Variants in SYNE1 observed in about 807,000 individuals in gnomAD.
SYNE1 encodes the protein nesprin-1.
In SYNE1, 616 loss-of-function variants were observed where a neutral mutation model predicts 1,111.0. That is an observed-to-expected ratio of 0.55 (90% CI 0.52 to 0.59). The LOEUF is 0.59. Ranked by LOEUF, SYNE1 falls within the 20% of genes least tolerant of loss-of-function variation. SYNE1 has a pLI of 0.00. For missense variants in SYNE1, 10,006 were observed against 10,417.0 expected (o/e 0.96, Z 1.72); for synonymous variants, 3,855 against 3,825.8 (o/e 1.01, Z -0.28).
chr6:152,560,155 C>T (rs1309547575), intron 3 of SYNE1, among the ~76,000 whole-genome samples: 1 of 152,036 alleles, frequency 6.6e-6, no homozygotes, highest in Non-Finnish European at 1.5e-5. Flanking sequence ...GAGTTCAAGA[C>T]CAGCCTGAAC....
intron 8 of SYNE1, among the ~76,000 whole-genome samples, chr6:152,505,951 T>C (rs1444370405): frequency 6.6e-6 from 1 of 152,220 alleles, no homozygotes; most frequent in Non-Finnish European, 1.5e-5. Context: ...AATGCAAATA[T>C]TGCAATTATA....
intron 39 of SYNE1, among the ~76,000 whole-genome samples, chr6:152,420,425 GC>G (rs1157733876): frequency 6.6e-6 from 1 of 152,136 alleles, no homozygotes; most frequent in Non-Finnish European, 1.5e-5. Context: ...TTTGAGACCA[GC>G]CTGGCCAACA....
chr6:152,596,717 T>A (rs949681859), intron 3 of SYNE1, among the ~76,000 whole-genome samples: 7 of 152,284 alleles, frequency 4.6e-5, no homozygotes, highest in Admixed American at 2.0e-4. Flanking sequence ...TGTAAAGGAT[T>A]TATATCTTGT....
At chr6:152,364,733 G>GA in intron 63 of SYNE1, 114 bp downstream of exon 63, 3 of 1,252,632 alleles carry the variant, frequency 2.4e-6, no homozygotes, top group African/African-American at 1.5e-5. Context: ...AGGAAGGGAG[G>GA]AAGGAAAGGA....
At chr6:152,396,724 TA>T in intron 50 of SYNE1, 50 bp downstream of exon 50, 1 of 1,546,708 alleles carries the variant, frequency 6.5e-7, no homozygotes, top group Non-Finnish European at 8.9e-7. Flanking sequence ...TCTAAGCCTT[TA>T]AAAACACACT....
At chr6:152,131,879 A>G (rs779555174) in intron 144 of SYNE1, among the ~76,000 whole-genome samples, 2 of 152,192 alleles carry the variant, frequency 1.3e-5, no homozygotes, top group Non-Finnish European at 2.9e-5. Flanking sequence ...AGAAAAATAA[A>G]TGTTCTCCCT....
At chr6:152,552,658 G>A (rs190979534) in intron 3 of SYNE1, among the ~76,000 whole-genome samples, 1 of 152,160 alleles carries the variant, frequency 6.6e-6, no homozygotes, top group Admixed American at 6.5e-5. Context: ...GAGAAATAAG[G>A]TCAAATCACA....
chr6:152,555,008 G>A (rs1376733436), intron 3 of SYNE1, among the ~76,000 whole-genome samples: 1 of 152,112 alleles, frequency 6.6e-6, no homozygotes, highest in African/African-American at 2.4e-5. Context: ...AAGGTAATGA[G>A]GTTTAAGACA....
chr6:152,433,706 C>A (rs1270626465), intron 34 of SYNE1, 89 bp downstream of exon 34: 2 of 1,490,346 alleles, frequency 1.3e-6, no homozygotes, highest in African/African-American at 1.4e-5. Flanking sequence ...AAAGTCTTGT[C>A]CTGGGACCGA....
intron 127 of SYNE1, among the ~76,000 whole-genome samples, chr6:152,197,805 T>C (rs60523764): frequency 0.065 from 9,900 of 152,202 alleles, 381 homozygotes; most frequent in African/African-American, 0.11. Context: ...CCTTAGGATT[T>C]CCAGAATGTT....
At position 152,520,445 on chromosome 6, in the gene SYNE1, T is replaced by G; in HGVS notation, c.309+14A>C. The stretch of plus-strand genomic sequence containing the variant: ...CCTTCTTCCTTGGGCATTTTGTTTT[T>G]GTTTCTCTCTTACCTTTCTTCCTTC... On this transcript the variant is annotated intron_variant, in intron 6 of 145. Coordinates refer to ENST00000367255, the MANE Select transcript of SYNE1 (RefSeq NM_182961.4). 1.9e-6 allele frequency: 3 copies of G among 1,612,870 alleles called. No homozygotes were observed. The highest frequency in any genetic ancestry group is 2.5e-6 in the Non-Finnish European group (3 of 1,179,460).
chr6:152,309,236 A>G (rs867420620), intron 90 of SYNE1, among the ~76,000 whole-genome samples: 3 of 152,332 alleles, frequency 2.0e-5, no homozygotes, highest in Middle Eastern at 6.8e-3. Context: ...ACAAGATAAC[A>G]GGGAGGAAAG....
intron 53 of SYNE1, among the ~76,000 whole-genome samples, chr6:152,388,706 C>A (rs544060593): frequency 3.6e-4 from 55 of 152,282 alleles, no homozygotes; most frequent in Middle Eastern, 3.4e-3. Flanking sequence ...AGGGCAAAAA[C>A]CTTTCTGTTT....
At chr6:152,478,269 C>T (rs2098846877) in intron 14 of SYNE1, among the ~76,000 whole-genome samples, 1 of 152,158 alleles carries the variant, frequency 6.6e-6, no homozygotes, top group Admixed American at 6.5e-5. Context: ...AGCCAATTCT[C>T]TCAAAGAGCT....
intron 64 of SYNE1, 28 bp from the exon 65 acceptor site, chr6:152,359,486 G>A (rs1221933164): frequency 2.2e-5 from 36 of 1,613,738 alleles, no homozygotes; most frequent in East Asian, 1.6e-4. Context: ...AAAATAAAGT[G>A]GCCATTCATG....
chr6:152,568,806 T>G (rs951618258), intron 3 of SYNE1, among the ~76,000 whole-genome samples: 1 of 152,202 alleles, frequency 6.6e-6, no homozygotes, highest in African/African-American at 2.4e-5. Flanking sequence ...AGAAAAATTT[T>G]CAGTCCCATT....
At chr6:152,631,387 C>T (rs553331206) in intron 2 of SYNE1, among the ~76,000 whole-genome samples, 35 of 152,178 alleles carry the variant, frequency 2.3e-4, no homozygotes, top group African/African-American at 8.0e-4. Flanking sequence ...GAAAAGAGGG[C>T]GGAGAGTGAG....
intron 130 of SYNE1, chr6:152,168,285 T>C: frequency 1.6e-6 from 1 of 618,056 alleles, no homozygotes; most frequent in Non-Finnish European, 2.9e-6. Flanking sequence ...CCCTTGTCTG[T>C]GTATAGAAGT....
At chr6:152,239,812 A>T in intron 107 of SYNE1, 106 bp from the exon 108 acceptor site, 1 of 1,233,008 alleles carries the variant, frequency 8.1e-7, no homozygotes, top group Non-Finnish European at 1.2e-6. Context: ...TAATCCCAAC[A>T]GTTGGGGAGG....
Sources: gnomAD v4.1 joint callset for allele counts (sites outside exome capture counted in the v4.1 genomes callset) on GRCh38, gnomAD v4.1.1 for gene constraint, MANE v1.5 for transcripts, NCBI Gene and HGNC (gene_info 2026-07-23, HGNC 2026-07-21) for gene names.